AHR: variants seen among roughly 807,000 people sequenced by gnomAD.
AHR encodes AH-receptor.
A neutral mutation model predicts 86.8 loss-of-function variants in AHR; 40 were observed. The ratio of observed to expected loss-of-function variants is 0.46; its 90% CI spans 0.36 to 0.60. The LOEUF (loss-of-function observed/expected upper bound fraction) is 0.60, where lower values mean the gene tolerates loss of function less well. Ranked by LOEUF, AHR falls within the 20% of genes least tolerant of loss-of-function variation. The pLI, the probability that AHR is intolerant of heterozygous loss-of-function variation, is 0.00. For missense variants in AHR, 1,001 were observed against 1,011.6 expected (o/e 0.99, Z 0.14); for synonymous variants, 398 against 354.9 (o/e 1.12, Z -1.37).
intron 9 of AHR, among the ~76,000 whole-genome samples, chr7:17,336,447 T>G (rs746280656): frequency 6.6e-6 from 1 of 152,198 alleles, no homozygotes; most frequent in Non-Finnish European, 1.5e-5. Flanking sequence ...ATTCTATCTT[T>G]ATTATATATT....
chr7:17,311,796 G>A (rs150215191), intron 2 of AHR, among the ~76,000 whole-genome samples: 15 of 152,272 alleles, frequency 9.9e-5, no homozygotes, highest in African/African-American at 3.4e-4. Context: ...GTGTGTATTA[G>A]CTATAGTCAT....
intron 1 of AHR, among the ~76,000 whole-genome samples, chr7:17,308,599 A>C (rs1782029348): frequency 1.3e-5 from 2 of 151,994 alleles, no homozygotes; most frequent in Admixed American, 6.6e-5. Flanking sequence ...TTATAAATGC[A>C]ATATGATTAG....
At chr7:17,333,495 C>G (rs539459371) in intron 6 of AHR, among the ~76,000 whole-genome samples, 2 of 151,990 alleles carry the variant, frequency 1.3e-5, no homozygotes, top group South Asian at 4.2e-4. Flanking sequence ...AGATTATGAA[C>G]TATGCAGTAT....
intron 3 of AHR, among the ~76,000 whole-genome samples, chr7:17,324,315 T>C (rs1370800714): frequency 6.6e-6 from 1 of 152,216 alleles, no homozygotes; most frequent in African/African-American, 2.4e-5. Flanking sequence ...ATTATAGATA[T>C]GTGGAAATGG....
chr7:17,309,469 T>C (rs1782040294), intron 1 of AHR, among the ~76,000 whole-genome samples: 1 of 152,230 alleles, frequency 6.6e-6, no homozygotes, highest in South Asian at 2.1e-4. Flanking sequence ...GCTGGTGATA[T>C]GAAGATAAAT....
At chr7:17,322,750 A>T in intron 3 of AHR, 143 bp downstream of exon 3, 1 of 618,706 alleles carries the variant, frequency 1.6e-6, no homozygotes, top group Non-Finnish European at 2.9e-6. Context: ...ATAGTGAATG[A>T]TGCTTAATAC....
Position 17,340,161 on chromosome 7 carries a change from A to G in AHR, c.2336A>G (p.Gln779Arg). ...ATGTATCAGTGCCAGCCAGAACCTC[A>G]GCACACCCACGTGGGTCAGATGCAG... The part of the protein sequence containing the change: ...VSMYQCQPEP[Q>R]HTHVGQMQYN... The change falls in exon 10 of 11, where the codon CAG becomes CGG. Residue 779 changes from glutamine to arginine, a missense_variant. Coordinates refer to ENST00000242057, the MANE Select transcript of AHR (RefSeq NM_001621.5). 6.2e-7 allele frequency: 1 copy of G among 1,614,234 alleles called. No individual in the cohort carries two copies. Among genetic ancestry groups the G allele is most frequent in the Middle Eastern group, 1.7e-4 (1 of 6,060 alleles).
chr7:17,338,003 T>A (rs1241474573), intron 9 of AHR, among the ~76,000 whole-genome samples: 1 of 151,008 alleles, frequency 6.6e-6, no homozygotes, highest in Non-Finnish European at 1.5e-5. Flanking sequence ...ATCGAGACCA[T>A]CCTGGCTAAC....
rs1024636616 is a variant in AHR, at chr7:17,324,575, G to T, written c.360+1968G>T. Among the ~76,000 whole-genome samples, 4 of 152,272 alleles carry T rather than the reference G, an allele frequency of 2.6e-5. No homozygotes were observed. The East Asian group carries it at 7.7e-4, about 29-fold the overall frequency. ...CCCAGCACTTTGGGAGGCCAAGGCG[G>T]GCAGATCACGAGGTCAGGAGTTCAA... On this transcript the variant is annotated intron_variant, in intron 3 of 10. Transcript: ENST00000242057.
In AHR at chr7:17,335,759, A is replaced by T. The variant is rs2115367483; in HGVS notation, c.1133A>T (p.Tyr378Phe). ...CTTTATAAAAATGGAAGACCAGATTATATCATTGTAACTCAGAGACCACTA... is the reference window on the plus strand; with the variant it reads ...CTTTATAAAAATGGAAGACCAGATTTTATCATTGTAACTCAGAGACCACTA... ...RLLYKNGRPDYIIVTQRPLTD... is the reference protein window; with the variant it reads ...RLLYKNGRPDFIIVTQRPLTD... Residue 378 changes from tyrosine to phenylalanine, a missense_variant, in exon 9 of 11, where the codon TAT (tyrosine) becomes TTT (phenylalanine). Physicochemically the swap from Tyr to Phe is conservative, Grantham distance 22 (BLOSUM62 3). This residue lies in a region of AHR where 394 missense variants were observed against 468.5 expected (regional missense o/e 0.84). Transcript: ENST00000242057. 1 of 1,613,126 alleles carries T rather than the reference A, an allele frequency of 6.2e-7. No homozygotes were observed. Among genetic ancestry groups the T allele is most frequent in the Middle Eastern group, 1.7e-4 (1 of 6,058 alleles).
At chr7:17,319,860 A>G in intron 2 of AHR, among the ~76,000 whole-genome samples, 1 of 152,118 alleles carries the variant, frequency 6.6e-6, no homozygotes, top group East Asian at 1.9e-4. Flanking sequence ...ATGTTTCCTG[A>G]AAAAGCACAG....
chr7:17,318,093 T>G (rs917361682), intron 2 of AHR, among the ~76,000 whole-genome samples: 1 of 152,108 alleles, frequency 6.6e-6, no homozygotes, highest in Non-Finnish European at 1.5e-5. Context: ...TTAATTGAAT[T>G]TATAGCAGCA....
At chr7:17,313,944 T>C (rs1280973298) in intron 2 of AHR, among the ~76,000 whole-genome samples, 3 of 152,140 alleles carry the variant, frequency 2.0e-5, no homozygotes, top group Non-Finnish European at 4.4e-5. Context: ...ACTGGGCTTG[T>C]TGATCAATCT....
intron 1 of AHR, among the ~76,000 whole-genome samples, chr7:17,300,005 T>C (rs1781938630): frequency 6.6e-6 from 1 of 152,236 alleles, no homozygotes; most frequent in Non-Finnish European, 1.5e-5. Flanking sequence ...TTTCGGAAGC[T>C]TGCTTATCAC....
At chr7:17,316,126 G>C (rs576640645) in intron 2 of AHR, among the ~76,000 whole-genome samples, 4 of 152,256 alleles carry the variant, frequency 2.6e-5, no homozygotes, top group African/African-American at 7.2e-5. Flanking sequence ...TCTTAAATTG[G>C]AGAGCCAGAG....
chr7:17,335,102 A>G, intron 8 of AHR, 106 bp downstream of exon 8: 1 of 709,522 alleles, frequency 1.4e-6, no homozygotes, highest in Non-Finnish European at 2.3e-6. Context: ...GTATATGGAT[A>G]AACTTCTACT....
chr7:17,306,597 T>C (rs914132616), intron 1 of AHR, among the ~76,000 whole-genome samples: 4 of 152,172 alleles, frequency 2.6e-5, no homozygotes, highest in Non-Finnish European at 5.9e-5. Context: ...CATAGCCCTA[T>C]ACCTAAATGT....
At chr7:17,320,525 G>T (rs979707215) in intron 2 of AHR, among the ~76,000 whole-genome samples, 1 of 151,928 alleles carries the variant, frequency 6.6e-6, no homozygotes, top group African/African-American at 2.4e-5. Context: ...CCGTTTTTAG[G>T]CTTATTTCAT....
chr7:17,331,519 G>A (rs1782288632), intron 6 of AHR, among the ~76,000 whole-genome samples: 2 of 151,900 alleles, frequency 1.3e-5, no homozygotes, highest in Admixed American at 6.6e-5. Flanking sequence ...GATTTTTAAG[G>A]TATGAGAGAA....
Sources: gnomAD v4.1 joint callset for allele counts (sites outside exome capture counted in the v4.1 genomes callset) on GRCh38, gnomAD v4.1.1 for gene constraint, gnomAD v4.1.1 regional missense constraint, MANE v1.5 for transcripts, NCBI Gene and HGNC (gene_info 2026-07-23, HGNC 2026-07-21) for gene names.